WWP1: variants seen among roughly 807,000 people sequenced by gnomAD.
WWP1 encodes the protein WW domain containing E3 ubiquitin protein ligase 1.
WWP1 carries 49 observed loss-of-function variants against 130.6 expected under a neutral mutation model. The observed-to-expected ratio is 0.38, with a 90% CI of 0.30 to 0.48. WWP1 has a LOEUF of 0.48. WWP1 is among the 20% of genes least tolerant of loss of function. WWP1 has a pLI of 0.99. For missense variants in WWP1, 809 were observed against 1,100.6 expected, an observed-to-expected ratio of 0.74 and a Z score of 3.75; for synonymous variants, 332 against 367.8, an observed-to-expected ratio of 0.90 and a Z score of 1.11.
chr8:86,401,812 C>T (rs181911693), intron 7 of WWP1, among the ~76,000 whole-genome samples: 14 of 152,104 alleles, frequency 9.2e-5, no homozygotes, highest in African/African-American at 3.4e-4. Flanking sequence ...TAATATAAAA[C>T]ATGTCATATC....
At chr8:86,377,547 G>C (rs931517480) in intron 3 of WWP1, among the ~76,000 whole-genome samples, 2 of 148,316 alleles carry the variant, frequency 1.3e-5, no homozygotes, top group African/African-American at 2.5e-5. Flanking sequence ...CCTCATTTCT[G>C]TTCTTAACCC....
In WWP1 at chr8:86,366,172, G is replaced by A. The variant is rs543860030; in HGVS notation, c.-114-2767G>A. 4.6e-5 allele frequency among the ~76,000 whole-genome samples: 7 copies of A among 152,332 alleles called. No homozygotes were observed. The South Asian group carries it at 1.2e-3, about 27-fold the overall frequency. On this transcript the variant is annotated intron_variant, in intron 1 of 24. Coordinates refer to ENST00000517970, the MANE Select transcript of WWP1 (RefSeq NM_007013.4). The stretch of plus-strand genomic sequence containing the variant: ...CCAATTCTAAGGGAAGAGTGCAGTG[G>A]TAGAGATTCCTAGTGGGAGATTGTG...
intron 1 of WWP1, among the ~76,000 whole-genome samples, chr8:86,349,863 C>T (rs3916649): frequency 0.15 from 22,373 of 151,698 alleles, 4,516 homozygotes; most frequent in African/African-American, 0.46. Context: ...GACAGCATCC[C>T]ATGCAGAAAA....
chr8:86,456,076 T>C (rs1811427602), intron 21 of WWP1, among the ~76,000 whole-genome samples: 1 of 151,982 alleles, frequency 6.6e-6, no homozygotes, highest in Non-Finnish European at 1.5e-5. Flanking sequence ...AAATTAACTA[T>C]AAGCCTACCT....
intron 18 of WWP1, among the ~76,000 whole-genome samples, chr8:86,445,102 CTT>C (rs933943893): frequency 6.6e-6 from 1 of 152,080 alleles, no homozygotes; most frequent in African/African-American, 2.4e-5. Context: ...GTGCCATACT[CTT>C]TTTAAAACCA....
At chr8:86,395,762 A>T (rs1488260443) in intron 5 of WWP1, among the ~76,000 whole-genome samples, 2 of 152,258 alleles carry the variant, frequency 1.3e-5, no homozygotes, top group Non-Finnish European at 2.9e-5. Flanking sequence ...CAGAATTAGT[A>T]ATAAGAGAAG....
chr8:86,394,608 C>A (rs935294753), intron 5 of WWP1, among the ~76,000 whole-genome samples: 2 of 152,172 alleles, frequency 1.3e-5, no homozygotes, highest in African/African-American at 2.4e-5. Context: ...TGTCCTGCTT[C>A]TTCCCCATCT....
intron 20 of WWP1, among the ~76,000 whole-genome samples, chr8:86,451,027 CATGGCA>C (rs1464886100): frequency 6.6e-6 from 1 of 151,252 alleles, no homozygotes; most frequent in Non-Finnish European, 1.5e-5. Context: ...GCCTGAGAAA[CATGGCA>C]AAACCTCATC....
At chr8:86,361,732 C>T (rs1823612102) in intron 1 of WWP1, among the ~76,000 whole-genome samples, 1 of 151,958 alleles carries the variant, frequency 6.6e-6, no homozygotes. Context: ...TCAACTGTTA[C>T]CATTTCTCAG....
intron 14 of WWP1, among the ~76,000 whole-genome samples, chr8:86,433,843 A>G: frequency 6.6e-6 from 1 of 152,010 alleles, no homozygotes; most frequent in Non-Finnish European, 1.5e-5. Flanking sequence ...GCTTGAACCC[A>G]GGAGGCAGAG....
intron 5 of WWP1, chr8:86,386,943 A>T (rs968344419): frequency 3.3e-4 from 50 of 152,150 alleles, no homozygotes; most frequent in African/African-American, 1.0e-3. Context: ...TCTGAAGGGG[A>T]TGAACACTGT....
At chr8:86,346,739 C>T (rs1356946043) in intron 1 of WWP1, among the ~76,000 whole-genome samples, 8 of 151,954 alleles carry the variant, frequency 5.3e-5, no homozygotes, top group African/African-American at 1.9e-4. Context: ...AAATATGATA[C>T]AATTATAATG....
chr8:86,445,976 C>CTTTTCTTTTTTTTTTT (rs1216312552), intron 18 of WWP1, among the ~76,000 whole-genome samples: 4 of 84,984 alleles, frequency 4.7e-5, no homozygotes, highest in Non-Finnish European at 4.6e-5. Context: ...CTTTTCTTTT[C>CTTTTCTTTTTTTTTTT]TTTTTTTTTT....
chr8:86,413,984 A>T (rs1808730799), intron 9 of WWP1, among the ~76,000 whole-genome samples: 1 of 152,072 alleles, frequency 6.6e-6, no homozygotes, highest in Non-Finnish European at 1.5e-5. Flanking sequence ...AAGTACATAA[A>T]CCTAATTCTG....
chr8:86,424,579 G>T (rs547116886), intron 9 of WWP1, among the ~76,000 whole-genome samples: 1 of 152,060 alleles, frequency 6.6e-6, no homozygotes, highest in East Asian at 1.9e-4. Context: ...GAGGCTGGCA[G>T]ATCACTCGCC....
chr8:86,434,624 T>C (rs1033389559), intron 14 of WWP1, among the ~76,000 whole-genome samples: 5 of 152,190 alleles, frequency 3.3e-5, no homozygotes, highest in Non-Finnish European at 7.3e-5. Context: ...TGATAAGACA[T>C]TTGTACTTTA....
intron 5 of WWP1, among the ~76,000 whole-genome samples, chr8:86,393,689 A>G (rs1005002505): frequency 3.9e-5 from 6 of 152,228 alleles, no homozygotes; most frequent in Non-Finnish European, 7.3e-5. Flanking sequence ...CTTACAAGCT[A>G]TGTAACCTAA....
intron 2 of WWP1, among the ~76,000 whole-genome samples, chr8:86,370,297 CAG>C (rs1188720800): frequency 2.6e-4 from 40 of 152,296 alleles, no homozygotes; most frequent in African/African-American, 9.1e-4. Context: ...TAAAAATAGA[CAG>C]AAATATCTCA....
At chr8:86,384,097 T>C (rs1287578883) in intron 5 of WWP1, among the ~76,000 whole-genome samples, 1 of 152,170 alleles carries the variant, frequency 6.6e-6, no homozygotes, top group Non-Finnish European at 1.5e-5. Context: ...TGTATATGTG[T>C]CTGCGTCCAA....
Sources: gnomAD v4.1 joint callset for allele counts (sites outside exome capture counted in the v4.1 genomes callset) on GRCh38, gnomAD v4.1.1 for gene constraint, MANE v1.5 for transcripts, NCBI Gene and HGNC (gene_info 2026-07-23, HGNC 2026-07-21) for gene names.